PLEK2: variants seen among roughly 807,000 people sequenced by gnomAD.
PLEK2 encodes the protein pleckstrin-2.
A neutral mutation model predicts 43.8 loss-of-function variants in PLEK2; 29 were observed. The observed-to-expected ratio is 0.66, with a 90% CI of 0.49 to 0.90. PLEK2 has a LOEUF of 0.90. Ranked by LOEUF, PLEK2 falls within the 40% of genes least tolerant of loss-of-function variation. The pLI is 0.00. For missense variants in PLEK2, 398 were observed against 448.1 expected, an observed-to-expected ratio of 0.89 and a Z score of 1.01; for synonymous variants, 162 against 173.2, an observed-to-expected ratio of 0.94 and a Z score of 0.51.
intron 1 of PLEK2, among the ~76,000 whole-genome samples, chr14:67,403,028 AT>A (rs1566630092): frequency 6.6e-6 from 1 of 152,196 alleles, no homozygotes; most frequent in African/African-American, 2.4e-5. Context: ...ACTAATTTAC[AT>A]TCTCACCAAC....
At chr14:67,402,184 G>A (rs1226685767) in intron 1 of PLEK2, among the ~76,000 whole-genome samples, 1 of 152,166 alleles carries the variant, frequency 6.6e-6, no homozygotes, top group Non-Finnish European at 1.5e-5. Context: ...TACTTTCCTG[G>A]ACGAAATGTT....
intron 1 of PLEK2, among the ~76,000 whole-genome samples, chr14:67,408,701 TAC>T: frequency 6.6e-6 from 1 of 152,308 alleles, no homozygotes. Flanking sequence ...GATCCTCCTC[TAC>T]AAGTTTCAGA....
chr14:67,400,688 A>C (rs1426276339), intron 1 of PLEK2, among the ~76,000 whole-genome samples: 1 of 151,814 alleles, frequency 6.6e-6, no homozygotes, highest in Non-Finnish European at 1.5e-5. Flanking sequence ...AGTAGAGGAG[A>C]GGGCAAAAGA....
At chr14:67,393,298 G>A in intron 3 of PLEK2, 57 bp from the exon 4 acceptor site, 1 of 1,200,904 alleles carries the variant, frequency 8.3e-7, no homozygotes, top group Non-Finnish European at 1.2e-6. Context: ...CAGGTATAAG[G>A]GAGGGTCCTG....
intron 1 of PLEK2, among the ~76,000 whole-genome samples, chr14:67,408,233 C>A (rs2086092383): frequency 6.7e-6 from 1 of 150,374 alleles, no homozygotes; most frequent in Admixed American, 6.7e-5. Flanking sequence ...TTGCAGTGAG[C>A]CGAGATTGCA....
rs942481679 is a variant in PLEK2, at chr14:67,388,145, A to G, written c.934+79T>C. 57 of 898,100 alleles carry G rather than the reference A, an allele frequency of 6.3e-5. No individual in the cohort carries two copies. The Middle Eastern group carries it at 7.1e-4, about 11-fold the overall frequency. The allele number at this position is 898,100 out of a possible 1,614,324, so 55.6% of individuals were successfully genotyped here. ...GCCCTGCTCGGCTCCCAAAGCTGTC[A>G]TTTCATTAGTGGGACATTACTGAGG... On this transcript the variant is annotated intron_variant, in intron 8 of 8. Transcript: ENST00000216446.
chr14:67,393,532 T>G (rs555645453), intron 3 of PLEK2, among the ~76,000 whole-genome samples: 1 of 152,210 alleles, frequency 6.6e-6, no homozygotes, highest in South Asian at 2.1e-4. Context: ...CGGCTAACTG[T>G]GACCTCCGCC....
intron 6 of PLEK2, 95 bp from the exon 7 acceptor site, chr14:67,390,841 G>T: frequency 1.2e-6 from 1 of 866,248 alleles, no homozygotes; most frequent in Non-Finnish European, 2.0e-6. Flanking sequence ...CAACAAGCCA[G>T]CCCGCTCCAA....
At chr14:67,408,626 T>C (rs1175511997) in intron 1 of PLEK2, among the ~76,000 whole-genome samples, 1 of 152,126 alleles carries the variant, frequency 6.6e-6, no homozygotes, top group Non-Finnish European at 1.5e-5. Context: ...AGACAGTGGT[T>C]GCACTGAAGT....
intron 2 of PLEK2, 134 bp downstream of exon 2, chr14:67,397,528 A>G: frequency 1.4e-6 from 1 of 690,276 alleles, no homozygotes; most frequent in Non-Finnish European, 2.4e-6. Flanking sequence ...TATGTGGCGG[A>G]GCCAGGATTT....
chr14:67,407,151 T>G (rs184815005), intron 1 of PLEK2, among the ~76,000 whole-genome samples: 2 of 152,232 alleles, frequency 1.3e-5, no homozygotes, highest in African/African-American at 4.8e-5. Context: ...AGACGGAGTC[T>G]TGCACTGTCG....
rs139166601 is a variant in PLEK2 at position 67,395,974 on chromosome 14, T to C, written c.208-391A>G. ...CCAGCTCTGCCACTTGGCTGTGGAC[T>C]CCCGGGCACATTAGGAAATGACAGG... On this transcript the variant is annotated intron_variant, in intron 2 of 8. Transcript: ENST00000216446. Among the ~76,000 whole-genome samples, 216 of 152,214 alleles carry C rather than the reference T, an allele frequency of 1.4e-3. 1 individual carries two copies. Among genetic ancestry groups the C allele is most frequent in the African/African-American group, 5.0e-3 (206 of 41,536 alleles).
chr14:67,412,102 C>A lies in PLEK2; in HGVS notation c.-43G>T. ...AGGGCCACCCCAGGTGCGCCTTCCC[C>A]GCGCCTCGCGCTCCTCGGCACCCGC... is the stretch of plus-strand genomic sequence containing the variant. On this transcript the variant is annotated 5_prime_UTR_variant, in exon 1 of 9. Coordinates refer to ENST00000216446, the MANE Select transcript of PLEK2 (RefSeq NM_016445.3). The A allele has an allele frequency of 6.8e-7, 1 of 1,474,062 alleles. No individual in the cohort carries two copies. Among genetic ancestry groups the A allele is most frequent in the South Asian group, 1.3e-5 (1 of 76,040 alleles). 91.3% of individuals were successfully genotyped at this position (1,474,062 alleles called of 1,614,324 possible).
chr14:67,410,476 C>T (rs541248246), intron 1 of PLEK2, among the ~76,000 whole-genome samples: 1 of 151,966 alleles, frequency 6.6e-6, no homozygotes, highest in Non-Finnish European at 1.5e-5. Flanking sequence ...CCACATGCTG[C>T]GAGAAACCGG....
chr14:67,396,090 A>G lies in PLEK2; in HGVS notation c.208-507T>C, dbSNP rs114889773. On this transcript the variant is annotated intron_variant, in intron 2 of 8. Coordinates refer to ENST00000216446, the MANE Select transcript of PLEK2 (RefSeq NM_016445.3). ...GCATCAAGTCTTTCACACATTTCTC[A>G]TAGGATATAGTTTCAGCTCCTTCCC... is the stretch of plus-strand genomic sequence containing the variant. 5.8e-4 allele frequency among the ~76,000 whole-genome samples: 88 copies of G among 152,050 alleles called. 1 individual carries two copies. Among genetic ancestry groups the G allele is most frequent in the African/African-American group, 2.1e-3 (87 of 41,460 alleles).
intron 3 of PLEK2, 129 bp from the exon 4 acceptor site, chr14:67,393,370 G>C (rs1453561550): frequency 1.4e-6 from 1 of 723,982 alleles, no homozygotes; most frequent in African/African-American, 1.7e-5. Flanking sequence ...AAAGAAAAGG[G>C]GTGTAGGAAA....
chr14:67,397,238 C>A (rs1402251860), intron 2 of PLEK2, among the ~76,000 whole-genome samples: 2 of 152,208 alleles, frequency 1.3e-5, no homozygotes, highest in Non-Finnish European at 2.9e-5. Context: ...CACGCCCAGC[C>A]TAGACTTTTT....
At chr14:67,398,299 A>T (rs144218935) in intron 1 of PLEK2, among the ~76,000 whole-genome samples, 1 of 152,230 alleles carries the variant, frequency 6.6e-6, no homozygotes, top group Non-Finnish European at 1.5e-5. Flanking sequence ...ACCTCAGCTC[A>T]CTGCAGCCTC....
chr14:67,387,287 C>T lies in PLEK2; in HGVS notation c.*42G>A, dbSNP rs1334293203. ...ATTCTCCAGGAACTCTTGTCTGTGT[C>T]ATCTGGTAGGAGGGAGGAATCCTGG... On this transcript the variant is annotated 3_prime_UTR_variant, in exon 9 of 9. Transcript: ENST00000216446. The T allele has an allele frequency of 1.9e-6, 3 of 1,581,368 alleles. No individual in the cohort carries two copies. The highest frequency in any genetic ancestry group is 2.6e-6 in the Non-Finnish European group (3 of 1,167,118).
Sources: allele counts gnomAD v4.1 joint callset (sites outside exome capture counted in the v4.1 genomes callset), GRCh38; gene constraint gnomAD v4.1.1; transcripts MANE v1.5; gene names NCBI Gene and HGNC (gene_info 2026-07-23, HGNC 2026-07-21).